SCFD2: variants seen among roughly 807,000 people sequenced by gnomAD.
SCFD2 encodes sec1 family domain containing 2.
A neutral mutation model predicts 58.9 loss-of-function variants in SCFD2; 54 were observed. That is an observed-to-expected ratio of 0.92 (90% CI 0.74 to 1.15). The LOEUF (loss-of-function observed/expected upper bound fraction) is 1.15, where lower values mean the gene tolerates loss of function less well. Ranked by LOEUF, SCFD2 falls within the 50% of genes most tolerant of loss-of-function variation. The pLI, the probability that SCFD2 is intolerant of heterozygous loss-of-function variation, is 0.00. For synonymous variants in SCFD2, 321 were observed against 335.9 expected (o/e 0.96, Z 0.49); for missense variants, 805 against 836.6 (o/e 0.96, Z 0.47).
intron 5 of SCFD2, among the ~76,000 whole-genome samples, chr4:52,927,028 C>G (rs1719879462): frequency 6.6e-6 from 1 of 152,174 alleles, no homozygotes; most frequent in African/African-American, 2.4e-5. Context: ...GTGACGCTGA[C>G]TGTATAAAAC....
At chr4:52,978,007 G>A (rs1721290855) in intron 5 of SCFD2, among the ~76,000 whole-genome samples, 2 of 152,210 alleles carry the variant, frequency 1.3e-5, no homozygotes, top group Admixed American at 6.5e-5. Flanking sequence ...GTGCCCAACA[G>A]CTCCACAGAA....
chr4:53,018,080 C>T (rs1722256462), intron 5 of SCFD2, among the ~76,000 whole-genome samples: 1 of 152,200 alleles, frequency 6.6e-6, no homozygotes, highest in Non-Finnish European at 1.5e-5. Flanking sequence ...TGTTTGTTGT[C>T]TTCCCATACC....
chr4:53,226,419 T>C (rs1729218271), intron 4 of SCFD2, among the ~76,000 whole-genome samples: 1 of 152,112 alleles, frequency 6.6e-6, no homozygotes, highest in Non-Finnish European at 1.5e-5. Flanking sequence ...ATATATAATA[T>C]TGATAAGTAT....
chr4:53,206,972 G>A (rs1728423844), intron 4 of SCFD2, among the ~76,000 whole-genome samples: 1 of 152,004 alleles, frequency 6.6e-6, no homozygotes, highest in Non-Finnish European at 1.5e-5. Context: ...AGCCTGAGAA[G>A]TCCAAGAGCA....
Position 53,081,311 on chromosome 4 carries a change from G to C in SCFD2, c.1561+64022C>G, listed in dbSNP as rs898088364. On this transcript the variant is annotated intron_variant, in intron 5 of 8. Transcript: ENST00000401642. ...CGTATGTGTACAGGTTTGTTGCATG[G>C]GAATATTGCGTGATGCTGAGGTTTG... 5.9e-5 allele frequency among the ~76,000 whole-genome samples: 9 copies of C among 152,022 alleles called. No homozygotes were observed. In the South Asian group the frequency reaches 6.2e-4, roughly 11 times the overall value.
At chr4:53,348,821 T>A (rs1734135017) in intron 2 of SCFD2, among the ~76,000 whole-genome samples, 1 of 152,050 alleles carries the variant, frequency 6.6e-6, no homozygotes, top group East Asian at 1.9e-4. Flanking sequence ...TTCAAGTGAT[T>A]CTTCTGCCTC....
intron 4 of SCFD2, among the ~76,000 whole-genome samples, chr4:53,230,579 G>T (rs1287723073): frequency 7.3e-6 from 1 of 136,460 alleles, no homozygotes; most frequent in Non-Finnish European, 1.5e-5. Flanking sequence ...CACTGAGAAC[G>T]CATGGACACA....
intron 4 of SCFD2, among the ~76,000 whole-genome samples, chr4:53,193,318 G>A (rs1343317389): frequency 6.6e-6 from 1 of 152,176 alleles, no homozygotes; most frequent in African/African-American, 2.4e-5. Flanking sequence ...TCAGCTTTAG[G>A]ATTCCAGACA....
intron 5 of SCFD2, among the ~76,000 whole-genome samples, chr4:52,937,576 A>G (rs1720172861): frequency 6.6e-6 from 1 of 152,174 alleles, no homozygotes; most frequent in African/African-American, 2.4e-5. Context: ...ACATGATGAA[A>G]TTCAGTGGGA....
At chr4:52,922,008 C>G (rs1349968598) in intron 5 of SCFD2, among the ~76,000 whole-genome samples, 2 of 152,146 alleles carry the variant, frequency 1.3e-5, no homozygotes, top group Non-Finnish European at 2.9e-5. Context: ...CCACTGCCCA[C>G]AACATCAACT....
chr4:53,306,592 C>G (rs921075901), intron 3 of SCFD2, among the ~76,000 whole-genome samples: 1 of 152,106 alleles, frequency 6.6e-6, no homozygotes, highest in Non-Finnish European at 1.5e-5. Context: ...TCAGGCAATC[C>G]ATTCATTCAA....
At chr4:53,085,487 C>T (rs752160372) in intron 5 of SCFD2, among the ~76,000 whole-genome samples, 22 of 152,078 alleles carry the variant, frequency 1.4e-4, no homozygotes, top group Non-Finnish European at 2.9e-4. Flanking sequence ...TCAATGCAAT[C>T]TCTATCAAAA....
intron 4 of SCFD2, among the ~76,000 whole-genome samples, chr4:53,256,703 T>A (rs1385716273): frequency 1.3e-5 from 2 of 151,498 alleles, no homozygotes; most frequent in African/African-American, 4.9e-5. Context: ...AGCAAAACCC[T>A]GTCTCCACCA....
intron 4 of SCFD2, among the ~76,000 whole-genome samples, chr4:53,193,327 C>T (rs932297423): frequency 1.3e-5 from 2 of 152,168 alleles, no homozygotes. Context: ...GGATTCCAGA[C>T]AGTCAAGGTT....
chr4:52,915,349 T>C (rs941353386), intron 6 of SCFD2, among the ~76,000 whole-genome samples: 74 of 152,306 alleles, frequency 4.9e-4, no homozygotes, highest in African/African-American at 1.7e-3. Context: ...TTCTGCAAAA[T>C]TGACTCTGAA....
At chr4:53,218,973 G>A (rs984681279) in intron 4 of SCFD2, among the ~76,000 whole-genome samples, 1 of 152,204 alleles carries the variant, frequency 6.6e-6, no homozygotes, top group African/African-American at 2.4e-5. Context: ...AACAGCAAAT[G>A]TTGTTGCCTG....
At chr4:53,258,037 G>C (rs534534474) in intron 4 of SCFD2, among the ~76,000 whole-genome samples, 2 of 152,268 alleles carry the variant, frequency 1.3e-5, no homozygotes, top group Admixed American at 1.3e-4. Context: ...GCTTATCATT[G>C]ATCGAGGGCC....
At chr4:53,227,600 T>C (rs1729262061) in intron 4 of SCFD2, among the ~76,000 whole-genome samples, 1 of 152,184 alleles carries the variant, frequency 6.6e-6, no homozygotes, top group Non-Finnish European at 1.5e-5. Context: ...TACAGCAGAA[T>C]ACCTTCACCT....
At chr4:53,027,450 T>C (rs1722505330) in intron 5 of SCFD2, among the ~76,000 whole-genome samples, 1 of 152,208 alleles carries the variant, frequency 6.6e-6, no homozygotes, top group Non-Finnish European at 1.5e-5. Context: ...TTTGCATTTG[T>C]TACTTTGGCA....
Sources: gnomAD v4.1 joint callset for allele counts (sites outside exome capture counted in the v4.1 genomes callset) on GRCh38, gnomAD v4.1.1 for gene constraint, MANE v1.5 for transcripts, NCBI Gene and HGNC (gene_info 2026-07-23, HGNC 2026-07-21) for gene names.